PAG1: variants seen among roughly 807,000 people sequenced by gnomAD.
PAG1 encodes the protein phosphoprotein membrane anchor with glycosphingolipid microdomains 1, also known as phosphoprotein associated with glycosphingolipid-enriched microdomains 1.
In PAG1, 23 loss-of-function variants were observed where a neutral mutation model predicts 31.7. The ratio of observed to expected loss-of-function variants is 0.73; its 90% CI spans 0.52 to 1.03. The LOEUF (loss-of-function observed/expected upper bound fraction) is 1.03, where lower values mean the gene tolerates loss of function less well. Among genes scored for constraint, PAG1 ranks in the 50% least tolerant of loss-of-function variants. The pLI, the probability that PAG1 is intolerant of heterozygous loss-of-function variation, is 0.00. For synonymous variants in PAG1, 214 were observed against 210.3 expected, an observed-to-expected ratio of 1.02 and a Z score of -0.15; for missense variants, 473 against 540.7, an observed-to-expected ratio of 0.87 and a Z score of 1.24.
intron 2 of PAG1, among the ~76,000 whole-genome samples, chr8:81,064,852 T>C (rs1333483785): frequency 2.0e-5 from 3 of 152,228 alleles, no homozygotes; most frequent in East Asian, 3.8e-4. Flanking sequence ...CTGAGGCTGA[T>C]GAGGCAAAGG....
intron 3 of PAG1, among the ~76,000 whole-genome samples, chr8:80,995,982 A>G (rs980096829): frequency 2.0e-5 from 3 of 152,270 alleles, no homozygotes; most frequent in Admixed American, 6.5e-5. Flanking sequence ...CTCCCCTTCA[A>G]TTAGAATTGT....
chr8:81,063,547 T>A (rs1371120473), intron 2 of PAG1, among the ~76,000 whole-genome samples: 1 of 152,160 alleles, frequency 6.6e-6, no homozygotes, highest in East Asian at 1.9e-4. Flanking sequence ...AGTTTTTTTT[T>A]AAGTACTAGA....
intron 1 of PAG1, among the ~76,000 whole-genome samples, chr8:81,091,509 G>T (rs754167115): frequency 6.6e-6 from 1 of 151,902 alleles, no homozygotes. Flanking sequence ...AGGCTATATG[G>T]GGTAGCCTAT....
intron 3 of PAG1, among the ~76,000 whole-genome samples, chr8:81,020,044 T>G (rs568469397): frequency 7.2e-5 from 11 of 152,174 alleles, no homozygotes; most frequent in Non-Finnish European, 1.6e-4. Context: ...CCCTATTGAA[T>G]TTTGGACTTG....
rs547733758 is a variant in PAG1 at position 80,999,513 on chromosome 8, G to A, written c.-80-6206C>T. On this transcript the variant is annotated intron_variant, in intron 3 of 8. Transcript: ENST00000220597. ...AACCTGGAATGCCTTAACATCACCA[G>A]ACCACAGTGACCCTGCTATCAGGAC... Among the ~76,000 whole-genome samples, 15 of 152,298 alleles carry A rather than the reference G, an allele frequency of 9.8e-5. No homozygotes were observed. The South Asian group carries it at 3.1e-3, about 32-fold the overall frequency.
At chr8:81,074,055 G>A (rs1586203555) in intron 1 of PAG1, among the ~76,000 whole-genome samples, 1 of 152,178 alleles carries the variant, frequency 6.6e-6, no homozygotes, top group Admixed American at 6.5e-5. Context: ...GCAGACATGT[G>A]GGCAGATCCA....
At chr8:81,020,440 G>A (rs541701454) in intron 3 of PAG1, among the ~76,000 whole-genome samples, 1 of 152,248 alleles carries the variant, frequency 6.6e-6, no homozygotes, top group South Asian at 2.1e-4. Context: ...ATGGGGGCGG[G>A]ACTTTCCCAT....
intron 1 of PAG1, among the ~76,000 whole-genome samples, chr8:81,111,373 G>A (rs1809770778): frequency 1.3e-5 from 2 of 152,138 alleles, no homozygotes; most frequent in Admixed American, 1.3e-4. Flanking sequence ...TCCTCTCCCA[G>A]CATATTTCCA....
At chr8:81,041,026 T>G (rs1316768710) in intron 2 of PAG1, among the ~76,000 whole-genome samples, 1 of 152,180 alleles carries the variant, frequency 6.6e-6, no homozygotes, top group Admixed American at 6.5e-5. Flanking sequence ...CATCTTTGCA[T>G]GGAAAACTGA....
At chr8:81,026,911 A>T (rs1449058112) in intron 3 of PAG1, among the ~76,000 whole-genome samples, 1 of 152,162 alleles carries the variant, frequency 6.6e-6, no homozygotes, top group African/African-American at 2.4e-5. Flanking sequence ...GACCAAAAAA[A>T]TGTACCAAAT....
chr8:81,071,855 C>T (rs1809099208), intron 1 of PAG1, among the ~76,000 whole-genome samples: 2 of 152,210 alleles, frequency 1.3e-5, no homozygotes, highest in Admixed American at 1.3e-4. Flanking sequence ...CGTGCTTGTT[C>T]TCCACAGCCC....
At chr8:81,062,396 TA>T (rs1184870155) in intron 2 of PAG1, among the ~76,000 whole-genome samples, 3 of 152,232 alleles carry the variant, frequency 2.0e-5, no homozygotes, top group African/African-American at 7.2e-5. Context: ...TATTCAGCTA[TA>T]AAAAATACAT....
At chr8:81,042,981 T>A (rs1267678391) in intron 2 of PAG1, among the ~76,000 whole-genome samples, 2 of 152,168 alleles carry the variant, frequency 1.3e-5, no homozygotes, top group Non-Finnish European at 2.9e-5. Context: ...GATGCATAAA[T>A]CCTCCTATTT....
At chr8:81,078,853 T>C (rs1309299301) in intron 1 of PAG1, among the ~76,000 whole-genome samples, 3 of 152,158 alleles carry the variant, frequency 2.0e-5, no homozygotes, top group Non-Finnish European at 2.9e-5. Context: ...GCTTACACAA[T>C]AGTATGACAG....
At chr8:81,025,412 C>T (rs2130759730) in intron 3 of PAG1, among the ~76,000 whole-genome samples, 1 of 152,296 alleles carries the variant, frequency 6.6e-6, no homozygotes, top group South Asian at 2.1e-4. Context: ...GAGAGAGCTG[C>T]ACCCATCAAA....
intron 2 of PAG1, among the ~76,000 whole-genome samples, chr8:81,041,759 T>C (rs1227818500): frequency 1.3e-5 from 2 of 152,316 alleles, no homozygotes; most frequent in South Asian, 2.1e-4. Flanking sequence ...CTAATTCTTC[T>C]TATGAACAAC....
At chr8:81,051,686 T>A (rs1586189228) in intron 2 of PAG1, among the ~76,000 whole-genome samples, 1 of 152,200 alleles carries the variant, frequency 6.6e-6, no homozygotes, top group East Asian at 1.9e-4. Flanking sequence ...AACATTAAAC[T>A]CTATTGTACT....
intron 1 of PAG1, among the ~76,000 whole-genome samples, chr8:81,080,146 T>C (rs73279987): frequency 0.018 from 2,797 of 152,264 alleles, 50 homozygotes; most frequent in South Asian, 0.039. Context: ...GTTAAAGCAA[T>C]TGTAATGACG....
At chr8:80,996,740 G>T (rs1193306864) in intron 3 of PAG1, among the ~76,000 whole-genome samples, 5 of 152,136 alleles carry the variant, frequency 3.3e-5, no homozygotes, top group African/African-American at 9.7e-5. Context: ...ACCCTCATGT[G>T]TCGGTTTAAC....
Sources: gnomAD v4.1 joint callset for allele counts (sites outside exome capture counted in the v4.1 genomes callset) on GRCh38, gnomAD v4.1.1 for gene constraint, MANE v1.5 for transcripts, NCBI Gene and HGNC (gene_info 2026-07-23, HGNC 2026-07-21) for gene names.